NAV2: variants seen among roughly 807,000 people sequenced by gnomAD.
NAV2 encodes helicase, APC down-regulated 1.
NAV2 carries 54 observed loss-of-function variants against 223.2 expected under a neutral mutation model. The ratio of observed to expected loss-of-function variants is 0.24; its 90% CI spans 0.19 to 0.30. The LOEUF (loss-of-function observed/expected upper bound fraction) is 0.30. NAV2 is among the 10% of genes least tolerant of loss of function. The probability of loss-of-function intolerance (pLI) is 1.00; values close to 1 mark genes in which losing one functional copy is unlikely to be tolerated. For missense variants in NAV2, 2,806 were observed against 3,147.5 expected (o/e 0.89, Z 2.60); for synonymous variants, 1,279 against 1,239.3 (o/e 1.03, Z -0.67).
At chr11:19,419,302 G>A (rs1850512323) in intron 1 of NAV2, among the ~76,000 whole-genome samples, 1 of 152,222 alleles carries the variant, frequency 6.6e-6, no homozygotes, top group Non-Finnish European at 1.5e-5. Context: ...CTGCAGGTGA[G>A]CCTCATCAAA....
intron 6 of NAV2, among the ~76,000 whole-genome samples, chr11:19,901,094 A>C (rs1448492698): frequency 6.6e-6 from 1 of 152,202 alleles, no homozygotes; most frequent in African/African-American, 2.4e-5. Flanking sequence ...CCTTGAGGTA[A>C]TTGCTAAAAA....
chr11:19,423,575 C>T (rs770618316), intron 1 of NAV2, among the ~76,000 whole-genome samples: 94 of 152,210 alleles, frequency 6.2e-4, no homozygotes, highest in Non-Finnish European at 3.7e-4. Flanking sequence ...CTACTCTGTA[C>T]CATGTACAAC....
chr11:19,505,056 C>T (rs2043081943), intron 1 of NAV2: 1 of 152,304 alleles, frequency 6.6e-6, no homozygotes, highest in South Asian at 2.1e-4. Flanking sequence ...CATTCTCTCA[C>T]CCCTTGGGGG....
intron 1 of NAV2, among the ~76,000 whole-genome samples, chr11:19,677,307 T>G (rs1031029774): frequency 1.3e-5 from 2 of 152,192 alleles, no homozygotes; most frequent in Non-Finnish European, 2.9e-5. Context: ...ATGACTGAAT[T>G]TTGGCCGAGC....
intron 1 of NAV2, among the ~76,000 whole-genome samples, chr11:19,537,727 A>G (rs1003190495): frequency 6.6e-6 from 1 of 152,216 alleles, no homozygotes; most frequent in African/African-American, 2.4e-5. Flanking sequence ...TCTCACAGGT[A>G]TATCTGATCT....
chr11:19,901,749 T>C (rs944888065), intron 6 of NAV2, among the ~76,000 whole-genome samples: 1 of 152,218 alleles, frequency 6.6e-6, no homozygotes, highest in African/African-American at 2.4e-5. Context: ...TTACACTGGG[T>C]AGACTTAACT....
chr11:19,677,528 C>A (rs903085627), intron 1 of NAV2, among the ~76,000 whole-genome samples: 1 of 152,246 alleles, frequency 6.6e-6, no homozygotes, highest in Non-Finnish European at 1.5e-5. Flanking sequence ...AGTCACACAG[C>A]TTGTCAGTCA....
intron 1 of NAV2, among the ~76,000 whole-genome samples, chr11:19,829,157 A>G (rs2059802731): frequency 6.6e-6 from 1 of 152,168 alleles, no homozygotes; most frequent in Admixed American, 6.5e-5. Flanking sequence ...GTTGATGTTC[A>G]CTTCTCACTC....
At chr11:19,727,421 A>G (rs767594461) in intron 1 of NAV2, among the ~76,000 whole-genome samples, 17 of 152,204 alleles carry the variant, frequency 1.1e-4, no homozygotes, top group Non-Finnish European at 1.9e-4. Flanking sequence ...TGAGTCCCCC[A>G]AATCACATTG....
intron 1 of NAV2, among the ~76,000 whole-genome samples, chr11:19,625,094 A>T (rs1197231577): frequency 2.0e-5 from 3 of 152,142 alleles, no homozygotes; most frequent in Non-Finnish European, 4.4e-5. Flanking sequence ...CTCCTAGCTA[A>T]CCGAAACTAT....
At chr11:20,093,746 C>T (rs141013387) in intron 29 of NAV2, among the ~76,000 whole-genome samples, 3 of 152,268 alleles carry the variant, frequency 2.0e-5, no homozygotes, top group African/African-American at 4.8e-5. Flanking sequence ...TTTCCTAGTA[C>T]GGTTTCTGTT....
chr11:19,541,606 A>G (rs2044344627), intron 1 of NAV2, among the ~76,000 whole-genome samples: 1 of 152,152 alleles, frequency 6.6e-6, no homozygotes, highest in South Asian at 2.1e-4. Context: ...GGATGTACTC[A>G]CAGCTGAGGC....
intron 11 of NAV2, among the ~76,000 whole-genome samples, chr11:20,000,466 T>C (rs2052431445): frequency 6.6e-6 from 1 of 152,044 alleles, no homozygotes; most frequent in African/African-American, 2.4e-5. Context: ...GGGCCCGGGG[T>C]ACCGACCAGG....
chr11:19,672,336 G>A (rs1213629527), intron 1 of NAV2, among the ~76,000 whole-genome samples: 2 of 151,334 alleles, frequency 1.3e-5, no homozygotes, highest in South Asian at 2.1e-4. Flanking sequence ...GCCTGAATGT[G>A]CATTCAACCC....
Position 19,713,829 on chromosome 11 carries a change from T to G in NAV2, c.134T>G (p.Val45Gly). The G allele has an allele frequency of 6.2e-7, 1 of 1,613,080 alleles. No individual in the cohort carries two copies. The highest frequency in any genetic ancestry group is 1.1e-5 in the South Asian group (1 of 91,020). ...QPCYLKLGSK[V>G]EVSKTTYPSQ... ...TGCTACCTGAAGTTGGGAAGCAAGGTGGAGGTGAGCAAGACCACCTATCCT... is the reference window on the plus strand; with the variant it reads ...TGCTACCTGAAGTTGGGAAGCAAGGGGGAGGTGAGCAAGACCACCTATCCT... The change falls in exon 1 of 38, where the codon GTG becomes GGG. Residue 45 changes from valine (V) to glycine (G), a missense_variant. Around this residue, in one of 4 missense-constraint regions of NAV2, gnomAD observed 1,167 missense variants for 1,180.5 expected, o/e 0.99. Coordinates refer to ENST00000349880, the MANE Select transcript of NAV2 (RefSeq NM_145117.5). This position sits in a 1 kb window ranked among gnomAD's most constrained non-coding sequence, Gnocchi z 7.2.
rs536463850 is a variant in NAV2 at position 19,777,578 on chromosome 11, C to T, written c.268-54906C>T. The T allele has an allele frequency of 2.4e-4, 110 of 454,216 alleles. 3 individuals carry two copies. The highest frequency in any genetic ancestry group is 1.6e-3 in the South Asian group (106 of 64,272). 28.1% of individuals were successfully genotyped at this position (454,216 alleles called of 1,614,324 possible). A position where few individuals can be genotyped will look rare whatever the true frequency, so the allele number is the denominator to read the frequency against. On this transcript the variant is annotated intron_variant, in intron 1 of 37. Coordinates refer to ENST00000349880, the MANE Select transcript of NAV2 (RefSeq NM_145117.5). ...TGCTCTACTTTTTAACCCCCCACCC[C>T]GCCCCCCATCCCCTTTAGGAACTGG...
chr11:19,932,257 A>AAAAAAAAAAAAAAAG (rs1555153008), intron 6 of NAV2, among the ~76,000 whole-genome samples: 91 of 99,930 alleles, frequency 9.1e-4, no homozygotes, highest in East Asian at 1.9e-3. Flanking sequence ...AAAAAAAAAA[A>AAAAAAAAAAAAAAAG]AAAGAAAGAA....
intron 1 of NAV2, among the ~76,000 whole-genome samples, chr11:19,464,042 A>G (rs1020568890): frequency 6.6e-6 from 1 of 152,222 alleles, no homozygotes; most frequent in Non-Finnish European, 1.5e-5. Flanking sequence ...AAATCCTCGA[A>G]TTCAGTGAAA....
intron 1 of NAV2, among the ~76,000 whole-genome samples, chr11:19,798,664 C>G (rs1322039316): frequency 6.6e-6 from 1 of 152,150 alleles, no homozygotes; most frequent in Non-Finnish European, 1.5e-5. Context: ...GATACCGTGT[C>G]AAATACTGTG....
Sources: allele counts gnomAD v4.1 joint callset (sites outside exome capture counted in the v4.1 genomes callset), GRCh38; gene constraint gnomAD v4.1.1; regional missense constraint gnomAD v4.1.1; non-coding constraint Gnocchi (gnomAD v3.1); transcripts MANE v1.5; gene names NCBI Gene and HGNC (gene_info 2026-07-23, HGNC 2026-07-21).